Variants in GRID1 observed in about 807,000 individuals in gnomAD.
GRID1 encodes the protein glutamate ionotropic receptor delta type subunit 1, also known as glutamate receptor ionotropic, delta-1.
Under a neutral mutation model 98.0 loss-of-function variants are expected in GRID1, and 28 were observed. The observed-to-expected ratio is 0.29, with a 90% CI of 0.21 to 0.39. GRID1 has a LOEUF of 0.39. Among genes scored for constraint, GRID1 ranks in the 10% least tolerant of loss-of-function variants. GRID1 has a pLI of 1.00. For missense variants in GRID1, 1,111 were observed against 1,340.5 expected (o/e 0.83, Z 2.67); for synonymous variants, 553 against 538.5 (o/e 1.03, Z -0.37).
chr10:85,905,618 G>A (rs1474984012), intron 5 of GRID1, among the ~76,000 whole-genome samples: 1 of 151,954 alleles, frequency 6.6e-6, no homozygotes, highest in Non-Finnish European at 1.5e-5. Flanking sequence ...GAGTCGGGAG[G>A]GTAACACGGA....
intron 4 of GRID1, among the ~76,000 whole-genome samples, chr10:86,021,019 A>G (rs1843041041): frequency 6.7e-6 from 1 of 148,954 alleles, no homozygotes; most frequent in Admixed American, 6.8e-5. Flanking sequence ...GTCTTTTCTG[A>G]TTCTCATATG....
rs550383338 is a variant in GRID1, at chr10:86,064,712, T to C, written c.726+74107A>G. Reference sequence around the variant, plus strand: ...TCCACTCCCCAGTACCCAGCAACCATGATGCTCCAGCCAATCAGAAAGCCT... The same window carrying C: ...TCCACTCCCCAGTACCCAGCAACCACGATGCTCCAGCCAATCAGAAAGCCT... On this transcript the variant is annotated intron_variant, in intron 4 of 15. Transcript: ENST00000327946. 3.9e-5 allele frequency among the ~76,000 whole-genome samples: 6 copies of C among 152,312 alleles called. No individual in the cohort carries two copies. The South Asian group carries it at 6.2e-4, about 16-fold the overall frequency.
At chr10:86,218,536 TC>T (rs1256046497) in intron 2 of GRID1, among the ~76,000 whole-genome samples, 1 of 152,116 alleles carries the variant, frequency 6.6e-6, no homozygotes, top group African/African-American at 2.4e-5. Context: ...CCAGCAGACT[TC>T]CCAGGGCAAC....
intron 2 of GRID1, among the ~76,000 whole-genome samples, chr10:86,324,703 A>T (rs2049058700): frequency 1.3e-5 from 2 of 152,226 alleles, no homozygotes; most frequent in South Asian, 4.1e-4. Flanking sequence ...ACAAAATAAA[A>T]TGGCAAGGAA....
intron 2 of GRID1, among the ~76,000 whole-genome samples, chr10:86,311,681 G>A (rs1444534998): frequency 6.6e-6 from 1 of 152,150 alleles, no homozygotes; most frequent in Non-Finnish European, 1.5e-5. Flanking sequence ...TCCAACCTGA[G>A]AGTTCAAAAC....
intron 2 of GRID1, among the ~76,000 whole-genome samples, chr10:86,318,781 C>T (rs752342296): frequency 6.6e-6 from 1 of 152,214 alleles, no homozygotes; most frequent in Non-Finnish European, 1.5e-5. Flanking sequence ...CAACTAAGCA[C>T]CTACTGGTCA....
chr10:85,971,445 C>T (rs1433718448), intron 4 of GRID1, among the ~76,000 whole-genome samples: 3 of 151,976 alleles, frequency 2.0e-5, no homozygotes, highest in Non-Finnish European at 2.9e-5. Flanking sequence ...CCCAAAAAGA[C>T]CCATATTCAG....
At chr10:86,037,181 C>A (rs1290212691) in intron 4 of GRID1, among the ~76,000 whole-genome samples, 3 of 152,152 alleles carry the variant, frequency 2.0e-5, no homozygotes, top group African/African-American at 4.8e-5. Context: ...AAGGTACTTG[C>A]AAAGATGTGC....
intron 5 of GRID1, among the ~76,000 whole-genome samples, chr10:85,871,887 T>G (rs2131795810): frequency 6.6e-6 from 1 of 152,322 alleles, no homozygotes; most frequent in East Asian, 1.9e-4. Flanking sequence ...TCAAATGCTA[T>G]TACATATTGG....
intron 12 of GRID1, chr10:85,709,272 G>C (rs1841557148): frequency 6.2e-6 from 1 of 160,456 alleles, no homozygotes; most frequent in Non-Finnish European, 1.4e-5. Context: ...TCTACAGCTT[G>C]ATACCCCAGC....
intron 12 of GRID1, among the ~76,000 whole-genome samples, chr10:85,656,316 A>G (rs1331268981): frequency 6.6e-6 from 1 of 151,952 alleles, no homozygotes. Flanking sequence ...GGACCTCCTT[A>G]TCCATTTCCT....
chr10:86,073,813 A>C (rs1433667359), intron 4 of GRID1, among the ~76,000 whole-genome samples: 1 of 152,240 alleles, frequency 6.6e-6, no homozygotes, highest in African/African-American at 2.4e-5. Context: ...AGAGACCCAC[A>C]TGCCCTGCCT....
At chr10:85,759,190 G>A (rs1842125076) in intron 8 of GRID1, among the ~76,000 whole-genome samples, 1 of 152,190 alleles carries the variant, frequency 6.6e-6, no homozygotes, top group Admixed American at 6.5e-5. Flanking sequence ...CTACAGAGGT[G>A]TTGTCTTCCA....
At chr10:85,704,942 C>T (rs1308990145) in intron 12 of GRID1, among the ~76,000 whole-genome samples, 1 of 152,152 alleles carries the variant, frequency 6.6e-6, no homozygotes, top group African/African-American at 2.4e-5. Flanking sequence ...ACACAACATA[C>T]CAGAATCTCT....
At chr10:86,080,500 A>AAGGGAAG (rs1843961684) in intron 4 of GRID1, among the ~76,000 whole-genome samples, 1 of 142,926 alleles carries the variant, frequency 7.0e-6, no homozygotes, top group Non-Finnish European at 1.5e-5. Flanking sequence ...GAAAAGGGAA[A>AAGGGAAG]AGGGGAAAGG....
intron 4 of GRID1, among the ~76,000 whole-genome samples, chr10:86,055,482 C>G (rs1336189849): frequency 1.3e-5 from 2 of 152,040 alleles, no homozygotes; most frequent in African/African-American, 4.8e-5. Context: ...AGAAGAGACC[C>G]CTGTAATCCT....
intron 3 of GRID1, among the ~76,000 whole-genome samples, chr10:86,179,549 G>C (rs1394983561): frequency 6.6e-6 from 1 of 152,178 alleles, no homozygotes; most frequent in Non-Finnish European, 1.5e-5. Flanking sequence ...AAGCCACAGA[G>C]AACTGCATTT....
At position 85,599,802 on chromosome 10, in the gene GRID1, A is replaced by AAAAAAT; in HGVS notation, c.*2470_*2471insATTTTT. 1 of 64,982 alleles carries AAAAAAT rather than the reference A, an allele frequency of 1.5e-5. No homozygotes were observed. Among genetic ancestry groups the AAAAAAT allele is most frequent in the African/African-American group, 9.3e-5 (1 of 10,732 alleles). The allele number at this position is 64,982 out of a possible 1,614,324, so 4.0% of individuals were successfully genotyped here. ...GTAGAAAATTCTAAAAAAAAAAAAAAATATATATATATATATATAAACATG... is the reference window on the plus strand; with the variant it reads ...GTAGAAAATTCTAAAAAAAAAAAAAAAAAAATATATATATATATATATATAAACATG... On this transcript the variant is annotated 3_prime_UTR_variant, in exon 16 of 16. Coordinates refer to ENST00000327946, the MANE Select transcript of GRID1 (RefSeq NM_017551.3).
intron 4 of GRID1, among the ~76,000 whole-genome samples, chr10:86,080,394 A>AAGGGAAGGGG (rs1169099359): frequency 0.013 from 352 of 26,168 alleles, 45 homozygotes; most frequent in East Asian, 0.032. Flanking sequence ...AAGGGAAGGG[A>AAGGGAAGGGG]AGGGAAGGGA....
Sources: allele counts gnomAD v4.1 joint callset (sites outside exome capture counted in the v4.1 genomes callset), GRCh38; gene constraint gnomAD v4.1.1; transcripts MANE v1.5; gene names NCBI Gene and HGNC (gene_info 2026-07-23, HGNC 2026-07-21).